Variants in RERE observed in about 807,000 individuals in gnomAD.
The protein encoded by RERE is arginine-glutamic acid dipeptide repeats protein.
RERE carries 40 observed loss-of-function variants against 146.1 expected under a neutral mutation model. That is an observed-to-expected ratio of 0.27 (90% CI 0.21 to 0.36). RERE has a LOEUF of 0.36. RERE is among the 10% of genes least tolerant of loss of function. The probability of loss-of-function intolerance (pLI) is 1.00; values close to 1 mark genes in which losing one functional copy is unlikely to be tolerated. For missense variants in RERE, 1,933 were observed against 2,138.7 expected (o/e 0.90, Z 1.90); for synonymous variants, 1,003 against 866.0 (o/e 1.16, Z -2.78).
chr1:8,604,097 G>A (rs907864500), intron 4 of RERE, among the ~76,000 whole-genome samples: 2 of 152,162 alleles, frequency 1.3e-5, no homozygotes, highest in African/African-American at 4.8e-5. Flanking sequence ...AAAGGAGTAT[G>A]GATTCCTGGG....
intron 4 of RERE, among the ~76,000 whole-genome samples, chr1:8,612,276 G>A (rs993142803): frequency 6.6e-6 from 1 of 152,154 alleles, no homozygotes; most frequent in Non-Finnish European, 1.5e-5. Flanking sequence ...TCATTACACT[G>A]TATTAGATCT....
Position 8,808,064 on chromosome 1 carries a change from G to A in RERE, c.-145+9096C>T, listed in dbSNP as rs563175694. ...GAGGCCGAGGTGGGAGAATCACTTG[G>A]ACCCTCAAGATCGAGGCTGCAATGA... On this transcript the variant is annotated intron_variant, in intron 1 of 22. Coordinates refer to ENST00000400908, the MANE Select transcript of RERE (RefSeq NM_001042681.2). 4.8e-4 allele frequency among the ~76,000 whole-genome samples: 71 copies of A among 148,436 alleles called. 1 individual carries two copies. Among genetic ancestry groups the A allele is most frequent in the African/African-American group, 1.7e-3 (69 of 39,986 alleles).
chr1:8,789,301 A>AAAAAAAAAAATATATAT, intron 1 of RERE, among the ~76,000 whole-genome samples: 2 of 24,826 alleles, frequency 8.1e-5, no homozygotes, highest in African/African-American at 4.6e-4. Flanking sequence ...AAAAAAAAAA[A>AAAAAAAAAAATATATAT]ATATATATAT....
chr1:8,688,786 T>C lies in RERE; in HGVS notation c.-144-32345A>G, dbSNP rs148275835. ...TCCAACACTTTCTTATATAATAGGATTTATGTTAGATGATTTTGCCCAACT... is the reference window on the plus strand; with the variant it reads ...TCCAACACTTTCTTATATAATAGGACTTATGTTAGATGATTTTGCCCAACT... On this transcript the variant is annotated intron_variant, in intron 1 of 22. Transcript: ENST00000400908. 4.6e-3 allele frequency among the ~76,000 whole-genome samples: 704 copies of C among 152,320 alleles called. 7 individuals carry two copies. The highest frequency in any genetic ancestry group is 0.016 in the African/African-American group (677 of 41,580).
intron 11 of RERE, among the ~76,000 whole-genome samples, chr1:8,445,854 TGA>T (rs1335915692): frequency 1.1e-4 from 15 of 134,984 alleles, no homozygotes; most frequent in African/African-American, 3.8e-4. Flanking sequence ...CCCTGGTGTG[TGA>T]TGTTCCCCTC....
chr1:8,361,039 T>G lies in RERE; in HGVS notation c.2468A>C (p.His823Pro). 7.0e-7 allele frequency: 1 copy of G among 1,425,882 alleles called. No individual in the cohort carries two copies. The highest frequency in any genetic ancestry group is 2.6e-5 in the East Asian group (1 of 38,692). The allele number at this position is 1,425,882 out of a possible 1,614,324, so 88.3% of individuals were successfully genotyped here. ...SPHPPPHPSP[H>P]PPLQPLTGSA... ...CCCAGTCAGAGGCTGCAGCGGGGGA[T>G]GTGGCGAGGGATGCGGCGGGGGATG... is the stretch of plus-strand genomic sequence containing the variant. Residue 823 changes from histidine (H) to proline (P), a missense_variant, in exon 18 of 23, where the codon CAT becomes CCT. By Grantham distance (77) the His-to-Pro change is moderately conservative. This residue lies in a region of RERE where 1,255 missense variants were observed against 1,153.8 expected (regional missense o/e 1.09). Coordinates refer to ENST00000400908, the MANE Select transcript of RERE (RefSeq NM_001042681.2).
At chr1:8,502,689 G>A (rs1011352421) in intron 8 of RERE, among the ~76,000 whole-genome samples, 2 of 150,618 alleles carry the variant, frequency 1.3e-5, no homozygotes, top group East Asian at 2.0e-4. Flanking sequence ...GATGGTTGCC[G>A]GGTCTGTGTG....
At chr1:8,643,150 G>A (rs767376431) in intron 2 of RERE, among the ~76,000 whole-genome samples, 1 of 152,106 alleles carries the variant, frequency 6.6e-6, no homozygotes, top group Non-Finnish European at 1.5e-5. Flanking sequence ...AATCCTAGTG[G>A]GCTCAAACAA....
intron 7 of RERE, among the ~76,000 whole-genome samples, chr1:8,523,974 T>A (rs1645539180): frequency 6.6e-6 from 1 of 152,150 alleles, no homozygotes. Context: ...AAACAATGAG[T>A]TTGTTCCTTG....
At chr1:8,633,635 G>A (rs960684794) in intron 2 of RERE, among the ~76,000 whole-genome samples, 3 of 151,344 alleles carry the variant, frequency 2.0e-5, no homozygotes, top group African/African-American at 7.3e-5. Context: ...CACCTTAAAA[G>A]AAACTTATTG....
chr1:8,755,656 A>G (rs1640626792), intron 1 of RERE, among the ~76,000 whole-genome samples: 2 of 152,212 alleles, frequency 1.3e-5, no homozygotes, highest in African/African-American at 4.8e-5. Context: ...TTTTTAAAGC[A>G]GACAATTTAA....
chr1:8,505,546 T>A (rs1447574097), intron 8 of RERE, among the ~76,000 whole-genome samples: 1 of 152,204 alleles, frequency 6.6e-6, no homozygotes, highest in Non-Finnish European at 1.5e-5. Flanking sequence ...AAGGTTAATT[T>A]TTTTTTTTAA....
chr1:8,462,710 G>T (rs1381081060), intron 11 of RERE, among the ~76,000 whole-genome samples: 1 of 152,144 alleles, frequency 6.6e-6, no homozygotes, highest in Non-Finnish European at 1.5e-5. Context: ...CAGACACTGG[G>T]TAGTTAGAAC....
Position 8,423,432 on chromosome 1 carries a change from T to G in RERE, c.1204-625A>C, listed in dbSNP as rs955397905. ...ACCCCTTCCGCCCTCCCGACGCCACTCGCCGCCCCCATCCATTTTCGCAGC... is the reference window on the plus strand; with the variant it reads ...ACCCCTTCCGCCCTCCCGACGCCACGCGCCGCCCCCATCCATTTTCGCAGC... On this transcript the variant is annotated intron_variant, in intron 11 of 22. Transcript: ENST00000400908. The surrounding 1 kb of genome is among the most constrained non-coding windows in gnomAD (Gnocchi z 5.4). The G allele has an allele frequency of 1.6e-6, 1 of 622,166 alleles. No individual in the cohort carries two copies. Among genetic ancestry groups the G allele is most frequent in the African/African-American group, 2.0e-5 (1 of 49,486 alleles). The allele number at this position is 622,166 out of a possible 1,614,324, so 38.5% of individuals were successfully genotyped here.
At chr1:8,600,348 T>C (rs894709312) in intron 4 of RERE, among the ~76,000 whole-genome samples, 34 of 152,338 alleles carry the variant, frequency 2.2e-4, no homozygotes, top group African/African-American at 7.9e-4. Flanking sequence ...CATCTATCTA[T>C]CAATTACCAT....
chr1:8,772,389 G>GAA (rs1355608154), intron 1 of RERE, among the ~76,000 whole-genome samples: 1 of 151,670 alleles, frequency 6.6e-6, no homozygotes, highest in African/African-American at 2.4e-5. Context: ...ATCCAGCAAG[G>GAA]AAAAAAAATT....
chr1:8,631,432 AT>A (rs1647033950), intron 2 of RERE, among the ~76,000 whole-genome samples: 1 of 152,170 alleles, frequency 6.6e-6, no homozygotes, highest in South Asian at 2.1e-4. Context: ...AGTGATGTGG[AT>A]GTTTTGGACT....
intron 7 of RERE, among the ~76,000 whole-genome samples, chr1:8,526,680 CTAAAG>C (rs1284035724): frequency 6.6e-6 from 1 of 152,050 alleles, no homozygotes; most frequent in Non-Finnish European, 1.5e-5. Context: ...AAAACATTTC[CTAAAG>C]TAATACTAGC....
chr1:8,475,767 T>C (rs536927143), intron 10 of RERE, among the ~76,000 whole-genome samples: 5 of 152,140 alleles, frequency 3.3e-5, no homozygotes, highest in African/African-American at 1.2e-4. Flanking sequence ...ACCTCCATCA[T>C]CGATAACCTA....
Sources: gnomAD v4.1 joint callset for allele counts (sites outside exome capture counted in the v4.1 genomes callset) on GRCh38, gnomAD v4.1.1 for gene constraint, gnomAD v4.1.1 regional missense constraint, Gnocchi (gnomAD v3.1) non-coding constraint, MANE v1.5 for transcripts, NCBI Gene and HGNC (gene_info 2026-07-23, HGNC 2026-07-21) for gene names.